Variants in SPIDR observed in about 807,000 individuals in gnomAD.
SPIDR encodes DNA repair-scaffolding protein.
Under a neutral mutation model 104.6 loss-of-function variants are expected in SPIDR, and 93 were observed. That is an observed-to-expected ratio of 0.89 (90% CI 0.75 to 1.06). The LOEUF is 1.06. SPIDR is among the 50% of genes least tolerant of loss of function. The probability of loss-of-function intolerance (pLI) is 0.00; values close to 1 mark genes in which losing one functional copy is unlikely to be tolerated. For synonymous variants in SPIDR, 431 were observed against 416.9 expected (o/e 1.03, Z -0.41); for missense variants, 1,154 against 1,111.2 (o/e 1.04, Z -0.55).
chr8:47,657,424 G>C (rs925767776), intron 10 of SPIDR, among the ~76,000 whole-genome samples: 1 of 152,122 alleles, frequency 6.6e-6, no homozygotes, highest in Non-Finnish European at 1.5e-5. Flanking sequence ...GATGGAAGGA[G>C]GTGGGTTATT....
At chr8:47,461,393 C>T (rs977830058) in intron 8 of SPIDR, among the ~76,000 whole-genome samples, 2 of 152,102 alleles carry the variant, frequency 1.3e-5, no homozygotes, top group African/African-American at 4.8e-5. Context: ...GGCACAATCT[C>T]GGCTCACTCC....
chr8:47,640,678 T>TTG (rs2068723917), intron 10 of SPIDR, among the ~76,000 whole-genome samples: 4 of 150,590 alleles, frequency 2.7e-5, no homozygotes, highest in East Asian at 2.0e-4. Context: ...TTGTTTGTTT[T>TTG]TTGTTGTTGT....
chr8:47,674,040 A>ATGTCCAATGATGGTAAAAGGGTAGCTT, intron 11 of SPIDR, 99 bp downstream of exon 11: 1 of 1,431,980 alleles, frequency 7.0e-7, no homozygotes, highest in East Asian at 2.5e-5. Context: ...AAAGGCAATA[A>ATGTCCAATGATGGTAAAAGGGTAGCTT]ACCAGGATCC....
chr8:47,653,244 C>G (rs546849682), intron 10 of SPIDR, among the ~76,000 whole-genome samples: 3 of 152,178 alleles, frequency 2.0e-5, no homozygotes, highest in African/African-American at 7.2e-5. Flanking sequence ...CACTAACTTA[C>G]CCATGGCACC....
At chr8:47,556,722 C>G (rs992035825) in intron 8 of SPIDR, among the ~76,000 whole-genome samples, 1 of 152,078 alleles carries the variant, frequency 6.6e-6, no homozygotes, top group African/African-American at 2.4e-5. Context: ...ACCTCAGCCT[C>G]CTGAGTAGCT....
chr8:47,331,028 G>C (rs1183500015), intron 5 of SPIDR: 1 of 302,924 alleles, frequency 3.3e-6, no homozygotes, highest in African/African-American at 2.2e-5. Flanking sequence ...GTCAGTGTTA[G>C]GAATTTTAGC....
intron 8 of SPIDR, among the ~76,000 whole-genome samples, chr8:47,559,279 C>G (rs904607048): frequency 6.6e-5 from 10 of 152,206 alleles, no homozygotes; most frequent in Non-Finnish European, 1.5e-4. Context: ...CAATTCAGTA[C>G]TGAACAAATG....
intron 5 of SPIDR, among the ~76,000 whole-genome samples, chr8:47,395,182 C>T (rs1462295515): frequency 1.3e-5 from 2 of 151,984 alleles, no homozygotes; most frequent in African/African-American, 4.8e-5. Flanking sequence ...AACCCCGTCT[C>T]TACTAAATGT....
intron 8 of SPIDR, among the ~76,000 whole-genome samples, chr8:47,582,583 G>A (rs2059816513): frequency 6.6e-6 from 1 of 152,070 alleles, no homozygotes; most frequent in Admixed American, 6.5e-5. Flanking sequence ...ACATTCTCAG[G>A]TGAGAAGTGG....
intron 5 of SPIDR, among the ~76,000 whole-genome samples, chr8:47,329,073 ATTT>A (rs781881911): frequency 7.1e-6 from 1 of 140,926 alleles, no homozygotes; most frequent in Non-Finnish European, 1.5e-5. Flanking sequence ...TGCCTAGCTA[ATTT>A]TTTTTTTTTT....
At chr8:47,528,602 C>G (rs1203802710) in intron 8 of SPIDR, among the ~76,000 whole-genome samples, 2 of 151,724 alleles carry the variant, frequency 1.3e-5, no homozygotes, top group Admixed American at 1.3e-4. Flanking sequence ...GAAATGGAAA[C>G]CTTAGGAAAG....
intron 10 of SPIDR, among the ~76,000 whole-genome samples, chr8:47,608,534 T>C (rs907362671): frequency 6.6e-6 from 1 of 152,184 alleles, no homozygotes. Flanking sequence ...TTTTCCAAAG[T>C]GGCTACACGA....
intron 8 of SPIDR, among the ~76,000 whole-genome samples, chr8:47,486,028 G>T (rs1208605324): frequency 6.6e-6 from 1 of 152,212 alleles, no homozygotes; most frequent in Non-Finnish European, 1.5e-5. Flanking sequence ...GTTGAGAGAT[G>T]AAGGCTTCAG....
chr8:47,344,017 G>C (rs1038186542), intron 5 of SPIDR, among the ~76,000 whole-genome samples: 1 of 150,978 alleles, frequency 6.6e-6, no homozygotes, highest in Non-Finnish European at 1.5e-5. Context: ...TGTGCACAAC[G>C]TGAAGGTTTG....
intron 5 of SPIDR, among the ~76,000 whole-genome samples, chr8:47,316,458 T>C (rs1221158299): frequency 1.3e-5 from 2 of 152,186 alleles, no homozygotes; most frequent in African/African-American, 4.8e-5. Context: ...ACACAGCTCA[T>C]ATACCCACCA....
At chr8:47,322,424 G>A (rs1209209011) in intron 5 of SPIDR, among the ~76,000 whole-genome samples, 1 of 152,134 alleles carries the variant, frequency 6.6e-6, no homozygotes, top group African/African-American at 2.4e-5. Context: ...CAGTCATTAA[G>A]AAGTCAGGAA....
At chr8:47,488,662 T>C (rs2078123833) in intron 8 of SPIDR, among the ~76,000 whole-genome samples, 2 of 152,292 alleles carry the variant, frequency 1.3e-5, no homozygotes, top group South Asian at 2.1e-4. Flanking sequence ...CATGATCAAG[T>C]GGGCTTCATC....
At chr8:47,518,716 A>C (rs1352106401) in intron 8 of SPIDR, among the ~76,000 whole-genome samples, 1 of 151,116 alleles carries the variant, frequency 6.6e-6, no homozygotes, top group Non-Finnish European at 1.5e-5. Context: ...GGCTCACTGC[A>C]AGCTCTGCCT....
At chr8:47,311,503 G>A (rs115707127) in intron 5 of SPIDR, among the ~76,000 whole-genome samples, 46 of 152,270 alleles carry the variant, frequency 3.0e-4, no homozygotes, top group African/African-American at 1.1e-3. Flanking sequence ...GTACATTATA[G>A]TGAAGCTGTT....
Sources: allele counts gnomAD v4.1 joint callset (sites outside exome capture counted in the v4.1 genomes callset), GRCh38; gene constraint gnomAD v4.1.1; transcripts MANE v1.5; gene names NCBI Gene and HGNC (gene_info 2026-07-23, HGNC 2026-07-21).